The following ATP8A2 variants were observed in gnomAD, a reference collection of about 807,000 sequenced individuals.
ATP8A2 encodes the protein ATPase phospholipid transporting 8A2, also known as phospholipid-transporting ATPase IB.
ATP8A2 carries 100 observed loss-of-function variants against 165.6 expected under a neutral mutation model. That is an observed-to-expected ratio of 0.60 (90% CI 0.51 to 0.71). The LOEUF (loss-of-function observed/expected upper bound fraction) is 0.71. Among genes scored for constraint, ATP8A2 ranks in the 30% least tolerant of loss-of-function variants. The pLI is 0.00. For missense variants in ATP8A2, 1,227 were observed against 1,479.5 expected (o/e 0.83, Z 2.80); for synonymous variants, 543 against 548.8 (o/e 0.99, Z 0.15).
Position 25,531,158 on chromosome 13 carries a change from G to GTT in ATP8A2, c.420+498_420+499insTT, listed in dbSNP as rs1566228449. On this transcript the variant is annotated intron_variant, in intron 4 of 36. Coordinates refer to ENST00000381655, the MANE Select transcript of ATP8A2 (RefSeq NM_016529.6). ...GTGTGTATATATATGTTATATATATGATATATATGTTATATGATATATATA... is the reference window on the plus strand; with the variant it reads ...GTGTGTATATATATGTTATATATATGTTATATATATGTTATATGATATATATA... Among the ~76,000 whole-genome samples, 106 of 129,148 alleles carry GTT rather than the reference G, an allele frequency of 8.2e-4. 1 individual carries two copies. The highest frequency in any genetic ancestry group is 4.2e-3 in the Middle Eastern group (1 of 238). The allele number at this position is 129,148 out of a possible 152,430, so 84.7% of individuals were successfully genotyped here. A position where few individuals can be genotyped will look rare whatever the true frequency, so the allele number is the denominator to read the frequency against.
rs1957128665 is a variant in ATP8A2, at chr13:26,024,418, AAG to A, written c.*4434_*4435del. The A allele has an allele frequency of 1.3e-5, 2 of 152,228 alleles. No individual in the cohort carries two copies. 9.4% of individuals were successfully genotyped at this position (152,228 alleles called of 1,614,324 possible). On this transcript the variant is annotated 3_prime_UTR_variant, in exon 37 of 37. Transcript: ENST00000381655. The stretch of plus-strand genomic sequence containing the variant: ...CAGTCTGTAACTAATGTTCTGTTTA[AAG>A]CTCTCTTAATTTGTTGGCTATGAGT...
chr13:25,449,799 C>T (rs1006314350), intron 1 of ATP8A2, among the ~76,000 whole-genome samples: 11 of 151,984 alleles, frequency 7.2e-5, no homozygotes. Context: ...ATGAAATGTG[C>T]TTTTTTGCCC....
intron 1 of ATP8A2, among the ~76,000 whole-genome samples, chr13:25,428,785 G>A (rs1016938491): frequency 6.6e-6 from 1 of 152,188 alleles, no homozygotes; most frequent in African/African-American, 2.4e-5. Flanking sequence ...GGACCCCAGG[G>A]TCTTTCCAAT....
chr13:25,916,487 G>A (rs1054530785), intron 33 of ATP8A2, among the ~76,000 whole-genome samples: 1 of 152,200 alleles, frequency 6.6e-6, no homozygotes, highest in Non-Finnish European at 1.5e-5. Flanking sequence ...TCTTGCAGGC[G>A]AGTCAACCTT....
chr13:25,984,099 T>G (rs995216719), intron 35 of ATP8A2, among the ~76,000 whole-genome samples: 2 of 151,570 alleles, frequency 1.3e-5, no homozygotes, highest in Non-Finnish European at 2.9e-5. Context: ...TAGCCAGGTG[T>G]GGTGGTGCGT....
chr13:25,651,153 A>G (rs1363185904), intron 24 of ATP8A2, among the ~76,000 whole-genome samples: 2 of 152,170 alleles, frequency 1.3e-5, no homozygotes, highest in Non-Finnish European at 2.9e-5. Flanking sequence ...TAATTATTAT[A>G]AGATTATTCG....
intron 1 of ATP8A2, among the ~76,000 whole-genome samples, chr13:25,389,889 T>C (rs2033183282): frequency 6.6e-6 from 1 of 152,222 alleles, no homozygotes; most frequent in South Asian, 2.1e-4. Context: ...AATTAATTGC[T>C]AAAGGAGTTG....
chr13:25,801,873 A>G (rs1345132700), intron 27 of ATP8A2, among the ~76,000 whole-genome samples: 1 of 152,116 alleles, frequency 6.6e-6, no homozygotes, highest in Non-Finnish European at 1.5e-5. Context: ...GTCCTTCTTC[A>G]CATGGCAGCA....
intron 27 of ATP8A2, among the ~76,000 whole-genome samples, chr13:25,802,286 A>G (rs1950637915): frequency 6.6e-6 from 1 of 152,176 alleles, no homozygotes; most frequent in Non-Finnish European, 1.5e-5. Context: ...CTCAGTTTCT[A>G]TACTGGCAAC....
chr13:25,882,010 A>C (rs1464994646), intron 33 of ATP8A2, among the ~76,000 whole-genome samples: 1 of 152,186 alleles, frequency 6.6e-6, no homozygotes, highest in Non-Finnish European at 1.5e-5. Flanking sequence ...AAGAGAAAAA[A>C]GAGCCTGGAA....
intron 27 of ATP8A2, 146 bp downstream of exon 27, chr13:25,775,105 G>T: frequency 1.8e-6 from 1 of 568,798 alleles, no homozygotes; most frequent in Non-Finnish European, 3.1e-6. Context: ...TCACATGTAA[G>T]CTCCTGTGAA....
intron 24 of ATP8A2, among the ~76,000 whole-genome samples, chr13:25,657,148 T>A (rs184444357): frequency 6.6e-6 from 1 of 150,700 alleles, no homozygotes; most frequent in African/African-American, 2.4e-5. Flanking sequence ...AAGCCTAGAC[T>A]TAAGACCTAA....
chr13:25,559,668 T>A lies in ATP8A2; in HGVS notation c.1353-53T>A, dbSNP rs1004346174. ...AATTAGATCAGTTTTGATCAGAATG[T>A]CTGTCTTTTGATCACAGTTTTGTGA... On this transcript the variant is annotated intron_variant, in intron 14 of 36. Transcript: ENST00000381655. The A allele has an allele frequency of 5.2e-6, 7 of 1,355,746 alleles. No homozygotes were observed. In the African/African-American group the frequency reaches 7.2e-5, roughly 14 times the overall value. 84.0% of individuals were successfully genotyped at this position (1,355,746 alleles called of 1,614,324 possible). A position where few individuals can be genotyped will look rare whatever the true frequency, so the allele number is the denominator to read the frequency against.
At chr13:25,516,308 G>A (rs1050901427) in intron 2 of ATP8A2, among the ~76,000 whole-genome samples, 4 of 152,082 alleles carry the variant, frequency 2.6e-5, no homozygotes, top group African/African-American at 9.7e-5. Flanking sequence ...AAGCGTTTGG[G>A]ACCTGAAAAG....
chr13:25,713,575 A>G (rs1383230122), intron 25 of ATP8A2, among the ~76,000 whole-genome samples: 2 of 152,066 alleles, frequency 1.3e-5, no homozygotes, highest in Non-Finnish European at 2.9e-5. Flanking sequence ...TCTAGTAGTT[A>G]GTGATTCATA....
intron 1 of ATP8A2, among the ~76,000 whole-genome samples, chr13:25,377,553 A>C (rs1220781539): frequency 6.6e-6 from 1 of 152,184 alleles, no homozygotes; most frequent in Non-Finnish European, 1.5e-5. Context: ...CAATCCCAGT[A>C]CTTTGGGAGG....
At chr13:25,383,493 G>C (rs1215795544) in intron 1 of ATP8A2, among the ~76,000 whole-genome samples, 1 of 152,142 alleles carries the variant, frequency 6.6e-6, no homozygotes, top group Non-Finnish European at 1.5e-5. Flanking sequence ...TCAGAAACAT[G>C]TTTTCCAAAT....
intron 25 of ATP8A2, among the ~76,000 whole-genome samples, chr13:25,718,949 C>T (rs1056568405): frequency 3.9e-5 from 6 of 152,038 alleles, no homozygotes; most frequent in East Asian, 1.9e-4. Flanking sequence ...TAAGAACATA[C>T]GCGTGCATGT....
At position 25,942,732 on chromosome 13, in the gene ATP8A2, G is replaced by T. The variant is rs189357939; in HGVS notation, c.3184-18843G>T. Among the ~76,000 whole-genome samples, 7 of 152,230 alleles carry T rather than the reference G, an allele frequency of 4.6e-5. No homozygotes were observed. The East Asian group carries it at 1.2e-3, about 25-fold the overall frequency. ...AGCCACCGTGCCCAGCCAACTTATC[G>T]ATTTTCTTTCATGGTTTCTGCTGTT... On this transcript the variant is annotated intron_variant, in intron 33 of 36. Transcript: ENST00000381655.
Sources: gnomAD v4.1 joint callset for allele counts (sites outside exome capture counted in the v4.1 genomes callset) on GRCh38, gnomAD v4.1.1 for gene constraint, MANE v1.5 for transcripts, NCBI Gene and HGNC (gene_info 2026-07-23, HGNC 2026-07-21) for gene names.